The following CPNE9 variants were observed in gnomAD, a reference collection of about 807,000 sequenced individuals.
The protein encoded by CPNE9 is copine family member 9, also known as copine-9.
A neutral mutation model predicts 83.0 loss-of-function variants in CPNE9; 59 were observed. That is an observed-to-expected ratio of 0.71 (90% CI 0.58 to 0.88). CPNE9 has a LOEUF of 0.88. CPNE9 is among the 40% of genes least tolerant of loss of function. The pLI is 0.00. For synonymous variants in CPNE9, 256 were observed against 273.4 expected, an observed-to-expected ratio of 0.94 and a Z score of 0.63; for missense variants, 619 against 720.8, an observed-to-expected ratio of 0.86 and a Z score of 1.62.
chr3:9,718,427 G>C (rs749044046), intron 16 of CPNE9, 48 bp from the exon 17 acceptor site: 22 of 1,592,490 alleles, frequency 1.4e-5, no homozygotes, highest in Non-Finnish European at 1.6e-5. Context: ...GAGCACTCCT[G>C]CATGTACCCT....
At chr3:9,716,279 T>C (rs2076683105) in intron 14 of CPNE9, among the ~76,000 whole-genome samples, 2 of 152,148 alleles carry the variant, frequency 1.3e-5, no homozygotes, top group East Asian at 3.9e-4. Flanking sequence ...CCCAGACCAG[T>C]GGTCTTCACT....
At position 9,717,666 on chromosome 3, in the gene CPNE9, G is replaced by GTGGGTGGA. The variant is rs2076696018; in HGVS notation, c.932-359_932-352dup. Among the ~76,000 whole-genome samples the GTGGGTGGA allele has an allele frequency of 2.7e-5, 4 of 145,694 alleles. No individual in the cohort carries two copies. The South Asian group carries it at 6.6e-4, about 24-fold the overall frequency. ...ATGAAGAAAAATGGCAAGTAGACAAGTGGGTGGATGGATGGATGGATGGAT... is the reference window on the plus strand; with the variant it reads ...ATGAAGAAAAATGGCAAGTAGACAAGTGGGTGGATGGGTGGATGGATGGATGGATGGAT... On this transcript the variant is annotated intron_variant, in intron 15 of 20. Coordinates refer to ENST00000383832, the MANE Select transcript of CPNE9 (RefSeq NM_153635.3).
In CPNE9 at chr3:9,727,168, A is replaced by G; in HGVS notation, c.1458A>G (p.Ala486=). 2 of 1,614,252 alleles carry G rather than the reference A, an allele frequency of 1.2e-6. No individual in the cohort carries two copies. The highest frequency in any genetic ancestry group is 1.7e-6 in the Non-Finnish European group (2 of 1,180,042). ...DVRVSSRGRY[A]ERDIVQFVPF... is the part of the protein sequence containing the mutation. ...GCGTGTCCTCTAGGGGACGCTACGCAGAGCGGGACATCGTTCAGGTAGACC... is the reference window on the plus strand; with the variant it reads ...GCGTGTCCTCTAGGGGACGCTACGCGGAGCGGGACATCGTTCAGGTAGACC... The change falls in exon 20 of 21, where the codon GCA becomes GCG. Residue 486 remains alanine (A), a synonymous_variant. Transcript: ENST00000383832.
chr3:9,703,933 G>A lies in CPNE9; in HGVS notation c.-64G>A. The A allele has an allele frequency of 2.2e-6, 3 of 1,378,890 alleles. No homozygotes were observed. Among genetic ancestry groups the A allele is most frequent in the Non-Finnish European group, 2.9e-6 (3 of 1,031,928 alleles). 85.4% of individuals were successfully genotyped at this position (1,378,890 alleles called of 1,614,324 possible). A position where few individuals can be genotyped will look rare whatever the true frequency, so the allele number is the denominator to read the frequency against. ...CACATGGGCCGGCCCCGCCGCTGCCGTCGCCCCTAGCCCCAGCAGCCCTGG... is the reference window on the plus strand; with the variant it reads ...CACATGGGCCGGCCCCGCCGCTGCCATCGCCCCTAGCCCCAGCAGCCCTGG... On this transcript the variant is annotated 5_prime_UTR_variant, in exon 1 of 21. Transcript: ENST00000383832.
chr3:9,718,642 C>T, intron 17 of CPNE9, 40 bp downstream of exon 17: 1 of 1,601,372 alleles, frequency 6.2e-7, no homozygotes, highest in Non-Finnish European at 8.5e-7. Flanking sequence ...ATGAGGGGAC[C>T]CACATAAGGG....
chr3:9,708,805 T>A (rs978673319), intron 7 of CPNE9, among the ~76,000 whole-genome samples: 3 of 151,984 alleles, frequency 2.0e-5, no homozygotes, highest in African/African-American at 7.2e-5. Flanking sequence ...GCTAATTTTT[T>A]TTGTATTTTT....
rs373576476 is a variant in CPNE9, at chr3:9,727,144, C to T, written c.1434C>T (p.Arg478=). Residue 478 remains arginine, a synonymous_variant, in exon 20 of 21, where the codon CGC becomes CGT. Coordinates refer to ENST00000383832, the MANE Select transcript of CPNE9 (RefSeq NM_153635.3). ...AAGAGTTGGACGGTGATGATGTGCG[C>T]GTGTCCTCTAGGGGACGCTACGCAG... ...AMEELDGDDV[R]VSSRGRYAER... 1.5e-5 allele frequency: 24 copies of T among 1,614,026 alleles called. No individual in the cohort carries two copies. Among genetic ancestry groups the T allele is most frequent in the East Asian group, 2.2e-5 (1 of 44,882 alleles).
At chr3:9,716,670 C>T (rs1481996009) in intron 14 of CPNE9, among the ~76,000 whole-genome samples, 3 of 152,150 alleles carry the variant, frequency 2.0e-5, no homozygotes, top group Non-Finnish European at 4.4e-5. Flanking sequence ...TGCGGTTTCC[C>T]CATGTTGGTC....
At chr3:9,722,283 G>C (rs1163543566) in intron 17 of CPNE9, among the ~76,000 whole-genome samples, 2 of 151,674 alleles carry the variant, frequency 1.3e-5, no homozygotes, top group Admixed American at 1.3e-4. Flanking sequence ...GATTAAATTA[G>C]ATCATGTATG....
At chr3:9,714,273 T>C (rs1018676300) in intron 10 of CPNE9, among the ~76,000 whole-genome samples, 2 of 152,068 alleles carry the variant, frequency 1.3e-5, no homozygotes, top group Non-Finnish European at 2.9e-5. Context: ...GATGTATAGT[T>C]AGGTGGCTAA....
chr3:9,722,727 C>T (rs2076745510), intron 17 of CPNE9, among the ~76,000 whole-genome samples: 1 of 152,114 alleles, frequency 6.6e-6, no homozygotes, highest in African/African-American at 2.4e-5. Context: ...TGTTGCCCAG[C>T]TTGTCTCAAA....
chr3:9,726,291 G>A (rs930227234), intron 18 of CPNE9, among the ~76,000 whole-genome samples: 5 of 152,174 alleles, frequency 3.3e-5, no homozygotes, highest in African/African-American at 1.2e-4. Flanking sequence ...TGTGAAGAGG[G>A]ACAGATGATG....
intron 20 of CPNE9, among the ~76,000 whole-genome samples, chr3:9,728,086 G>T (rs750246531): frequency 2.4e-4 from 37 of 152,232 alleles, no homozygotes; most frequent in Non-Finnish European, 4.7e-4. Context: ...AGATTTGGCA[G>T]AAAGAGCTAG....
chr3:9,710,540 G>A (rs985400404), intron 7 of CPNE9, among the ~76,000 whole-genome samples: 21 of 152,178 alleles, frequency 1.4e-4, no homozygotes, highest in Non-Finnish European at 4.4e-5. Flanking sequence ...GAGAGTGAAG[G>A]GCCTTGGGAT....
chr3:9,711,945 A>G (rs541510610), intron 7 of CPNE9, among the ~76,000 whole-genome samples: 1 of 152,102 alleles, frequency 6.6e-6, no homozygotes, highest in Non-Finnish European at 1.5e-5. Flanking sequence ...CTCATTCAGT[A>G]TCACTACAAT....
At chr3:9,707,135 C>T (rs1340483815) in intron 7 of CPNE9, among the ~76,000 whole-genome samples, 1 of 151,870 alleles carries the variant, frequency 6.6e-6, no homozygotes, top group Non-Finnish European at 1.5e-5. Flanking sequence ...AGGCGGATCA[C>T]GAGGTCAGGA....
intron 14 of CPNE9, among the ~76,000 whole-genome samples, chr3:9,716,482 T>C (rs2076684890): frequency 6.6e-6 from 1 of 152,150 alleles, no homozygotes; most frequent in Admixed American, 6.5e-5. Flanking sequence ...GGATTTTTTT[T>C]TTTTTGAGAT....
At position 9,711,305 on chromosome 3, in the gene CPNE9, C is replaced by T. The variant is rs185580152; in HGVS notation, c.378-1236C>T. Among the ~76,000 whole-genome samples the T allele has an allele frequency of 7.2e-5, 11 of 152,148 alleles. No homozygotes were observed. The East Asian group carries it at 1.5e-3, about 21-fold the overall frequency. On this transcript the variant is annotated intron_variant, in intron 7 of 20. Coordinates refer to ENST00000383832, the MANE Select transcript of CPNE9 (RefSeq NM_153635.3). ...GCAAACTCTGCTTCCCGGGTTCAAG[C>T]GATTCTCCTCCCTCAGCCTCCCGAG...
rs1176210728 is a variant in CPNE9 at position 9,718,617 on chromosome 3, T to C, written c.1241+15T>C. On this transcript the variant is annotated intron_variant, in intron 17 of 20. Transcript: ENST00000383832. Reference sequence around the variant, plus strand: ...CAAGTGGCCAGGTAAGGGAACTGGGTGGAAGCTGGGGGAAATGAGGGGACC... The same window carrying C: ...CAAGTGGCCAGGTAAGGGAACTGGGCGGAAGCTGGGGGAAATGAGGGGACC... The C allele has an allele frequency of 6.2e-7, 1 of 1,607,306 alleles. No homozygotes were observed. Among genetic ancestry groups the C allele is most frequent in the Admixed American group, 1.7e-5 (1 of 59,798 alleles).
Sources: gnomAD v4.1 joint callset for allele counts (sites outside exome capture counted in the v4.1 genomes callset) on GRCh38, gnomAD v4.1.1 for gene constraint, MANE v1.5 for transcripts, NCBI Gene and HGNC (gene_info 2026-07-23, HGNC 2026-07-21) for gene names.